Variants in ZFYVE9 observed in about 807,000 individuals in gnomAD.
ZFYVE9 encodes the protein zinc finger FYVE domain-containing protein 9.
A neutral mutation model predicts 126.7 loss-of-function variants in ZFYVE9; 43 were observed. That is an observed-to-expected ratio of 0.34 (90% CI 0.27 to 0.44). ZFYVE9 has a LOEUF of 0.44. ZFYVE9 is among the 20% of genes least tolerant of loss of function. The probability of loss-of-function intolerance (pLI) is 1.00; values close to 1 mark genes in which losing one functional copy is unlikely to be tolerated. For missense variants in ZFYVE9, 1,476 were observed against 1,697.0 expected, an observed-to-expected ratio of 0.87 and a Z score of 2.29; for synonymous variants, 521 against 597.4, an observed-to-expected ratio of 0.87 and a Z score of 1.87.
chr1:52,270,795 GTTTT>G (rs945154373), intron 7 of ZFYVE9, among the ~76,000 whole-genome samples: 1 of 139,456 alleles, frequency 7.2e-6, no homozygotes, highest in Admixed American at 7.2e-5. Context: ...GTATTTGTCT[GTTTT>G]TTTTTTTTCT....
chr1:52,315,303 C>G (rs1646174011), intron 13 of ZFYVE9, among the ~76,000 whole-genome samples: 1 of 152,032 alleles, frequency 6.6e-6, no homozygotes, highest in Non-Finnish European at 1.5e-5. Flanking sequence ...TGGCACATAC[C>G]AGTATTCCTA....
At position 52,142,871 on chromosome 1, in the gene ZFYVE9, G is replaced by C. The variant is rs1284453739; in HGVS notation, c.-143+468G>C. On this transcript the variant is annotated intron_variant, in intron 1 of 18. Coordinates refer to ENST00000287727, the MANE Select transcript of ZFYVE9 (RefSeq NM_004799.4). The surrounding 1 kb of genome is among the most constrained non-coding windows in gnomAD (Gnocchi z 4.5). The stretch of plus-strand genomic sequence containing the variant: ...GAGAGGAAGGCCAGGGTGAGAATTG[G>C]GGGTGCAGAGAGTGCGGGACCAAGA... 1.3e-5 allele frequency among the ~76,000 whole-genome samples: 2 copies of C among 152,172 alleles called. No individual in the cohort carries two copies. Among genetic ancestry groups the C allele is most frequent in the Admixed American group, 1.3e-4 (2 of 15,284 alleles).
intron 2 of ZFYVE9, among the ~76,000 whole-genome samples, chr1:52,232,509 A>T (rs1486729237): frequency 6.6e-6 from 1 of 152,094 alleles, no homozygotes; most frequent in East Asian, 1.9e-4. Context: ...TGGGCGGATC[A>T]CTTGAGGTCA....
intron 1 of ZFYVE9, among the ~76,000 whole-genome samples, chr1:52,181,046 C>CCCTCTCCCTCTCCCTCTT (rs1411577344): frequency 6.6e-6 from 1 of 150,662 alleles, no homozygotes; most frequent in African/African-American, 2.4e-5. Flanking sequence ...TGGAACTCGT[C>CCCTCTCCCTCTCCCTCTT]CCTCTCCCTC....
Position 52,268,575 on chromosome 1 carries a change from C to T in ZFYVE9, c.2568C>T (p.Thr856=). ...TGAATGGAACTTCCTCTGCAGGAAC[C>T]CTGGCTGTGTCACACGACCCAGTCA... is the stretch of plus-strand genomic sequence containing the variant. ...LTMNGTSSAG[T]LAVSHDPVKP... The change falls in exon 7 of 19, where the codon ACC becomes ACT. Residue 856 remains threonine (T), a synonymous_variant. Coordinates refer to ENST00000287727, the MANE Select transcript of ZFYVE9 (RefSeq NM_004799.4). 1.9e-6 allele frequency: 3 copies of T among 1,614,144 alleles called. No homozygotes were observed. The highest frequency in any genetic ancestry group is 2.5e-6 in the Non-Finnish European group (3 of 1,180,012).
At chr1:52,148,947 ATTTTTTTTTTTTTTT>A (rs56300233) in intron 1 of ZFYVE9, among the ~76,000 whole-genome samples, 1,487 of 34,452 alleles carry the variant, frequency 0.043, 52 homozygotes, top group Middle Eastern at 0.083. Context: ...CCTTAACATG[ATTTTTTTTTTTTTTT>A]TTTTTTTTTT....
chr1:52,153,700 T>C (rs185146625), intron 1 of ZFYVE9, among the ~76,000 whole-genome samples: 1 of 152,356 alleles, frequency 6.6e-6, no homozygotes, highest in Non-Finnish European at 1.5e-5. Flanking sequence ...GTATTCAGGC[T>C]GCAGCTGTAA....
At chr1:52,316,113 C>T (rs146848818) in intron 13 of ZFYVE9, among the ~76,000 whole-genome samples, 194 of 120,974 alleles carry the variant, frequency 1.6e-3, no homozygotes, top group African/African-American at 5.4e-3. Context: ...TGCAGTGAGC[C>T]GAGATCCTGC....
intron 4 of ZFYVE9, among the ~76,000 whole-genome samples, chr1:52,241,193 A>C (rs941742006): frequency 2.0e-5 from 3 of 152,142 alleles, no homozygotes; most frequent in Non-Finnish European, 4.4e-5. Context: ...GTATACAATA[A>C]AATTTATTTT....
At chr1:52,271,305 A>T (rs1031025929) in intron 7 of ZFYVE9, among the ~76,000 whole-genome samples, 1 of 152,226 alleles carries the variant, frequency 6.6e-6, no homozygotes, top group African/African-American at 2.4e-5. Context: ...TTATGTGGTA[A>T]AATGAGAGAA....
chr1:52,191,226 C>T (rs1236105561), intron 1 of ZFYVE9, among the ~76,000 whole-genome samples: 1 of 152,200 alleles, frequency 6.6e-6, no homozygotes, highest in Non-Finnish European at 1.5e-5. Flanking sequence ...AGGCGTGAGC[C>T]ACCATGCCCG....
At chr1:52,345,241 G>A (rs1371752504) in intron 18 of ZFYVE9, among the ~76,000 whole-genome samples, 2 of 152,156 alleles carry the variant, frequency 1.3e-5, no homozygotes, top group African/African-American at 4.8e-5. Flanking sequence ...GTCCTGCCTT[G>A]ATGTTTACAA....
intron 8 of ZFYVE9, among the ~76,000 whole-genome samples, chr1:52,275,246 T>C (rs1027885393): frequency 6.6e-6 from 1 of 152,168 alleles, no homozygotes; most frequent in Non-Finnish European, 1.5e-5. Flanking sequence ...GTTTTTGTTT[T>C]TGTTTTTTGT....
intron 1 of ZFYVE9, among the ~76,000 whole-genome samples, chr1:52,210,289 C>A (rs1320249264): frequency 3.9e-5 from 6 of 152,112 alleles, no homozygotes; most frequent in African/African-American, 1.2e-4. Flanking sequence ...TTTACTGGAA[C>A]CCTACTTAGT....
chr1:52,276,292 C>T (rs781377467), intron 8 of ZFYVE9, among the ~76,000 whole-genome samples: 30 of 152,184 alleles, frequency 2.0e-4, no homozygotes, highest in Non-Finnish European at 3.4e-4. Flanking sequence ...CAGCACCTTA[C>T]ATGTATACTG....
chr1:52,306,137 T>C (rs984869487), intron 13 of ZFYVE9, among the ~76,000 whole-genome samples: 1 of 152,134 alleles, frequency 6.6e-6, no homozygotes, highest in African/African-American at 2.4e-5. Flanking sequence ...TGGACTGTAG[T>C]GGGAACTTGG....
intron 13 of ZFYVE9, among the ~76,000 whole-genome samples, chr1:52,323,072 G>A (rs1216272789): frequency 6.6e-6 from 1 of 152,152 alleles, no homozygotes; most frequent in African/African-American, 2.4e-5. Context: ...CCAAAGTGCT[G>A]GGACTACAGG....
chr1:52,259,801 TAAAAA>T (rs906519404), intron 4 of ZFYVE9, among the ~76,000 whole-genome samples: 9 of 151,884 alleles, frequency 5.9e-5, no homozygotes, highest in African/African-American at 2.2e-4. Context: ...TGTCTAAAAA[TAAAAA>T]AGAAAAAGGC....
intron 4 of ZFYVE9, among the ~76,000 whole-genome samples, chr1:52,255,980 CT>C (rs1557484327): frequency 2.9e-4 from 31 of 107,912 alleles, no homozygotes; most frequent in African/African-American, 1.1e-3. Context: ...TTCTTTCTTT[CT>C]TTCCTTCCTT....
Sources: gnomAD v4.1 joint callset for allele counts (sites outside exome capture counted in the v4.1 genomes callset) on GRCh38, gnomAD v4.1.1 for gene constraint, Gnocchi (gnomAD v3.1) non-coding constraint, MANE v1.5 for transcripts, NCBI Gene and HGNC (gene_info 2026-07-23, HGNC 2026-07-21) for gene names.